Variants in LILRB3 observed in about 807,000 individuals in gnomAD.
LILRB3 encodes leukocyte immunoglobulin-like receptor subfamily B member 3.
LILRB3 carries 32 observed loss-of-function variants against 68.2 expected under a neutral mutation model. The ratio of observed to expected loss-of-function variants is 0.47; its 90% CI spans 0.35 to 0.63. The LOEUF is 0.63. Ranked by LOEUF, LILRB3 falls within the 30% of genes least tolerant of loss-of-function variation. The probability of loss-of-function intolerance (pLI) is 0.00; values close to 1 mark genes in which losing one functional copy is unlikely to be tolerated. For missense variants in LILRB3, 502 were observed against 791.3 expected, an observed-to-expected ratio of 0.63 and a Z score of 4.39; for synonymous variants, 185 against 323.1, an observed-to-expected ratio of 0.57 and a Z score of 4.58.
rs1472732947 is a variant in LILRB3, at chr19:54,218,758, A to G, written c.1502+5T>C. ...GGGAGTCTGTGGTCTTTGGGGCAGA[A>G]TTACCTCCTCAGCAGGCCCCTGTCC... On this transcript the variant is annotated splice_donor_5th_base_variant and intron_variant, in intron 9 of 12. Coordinates refer to ENST00000445347, the Ensembl canonical transcript of LILRB3. 14 of 1,613,868 alleles carry G rather than the reference A, an allele frequency of 8.7e-6. No individual in the cohort carries two copies. The South Asian group carries it at 1.5e-4, about 18-fold the overall frequency.
At chr19:54,218,763 C>G in exon 9 of LILRB3, 1 of 1,614,070 alleles carries the variant, frequency 6.2e-7, no homozygotes. Flanking sequence ...GCAGAATTAC[C>G]TCCTCAGCAG....
At chr19:54,222,371 T>C in exon 3 of LILRB3, 1 of 1,606,614 alleles carries the variant, frequency 6.2e-7, no homozygotes, top group South Asian at 1.1e-5. Flanking sequence ...TGCTGTGTCA[T>C]GGATGGGATG....
intron 7 of LILRB3, chr19:54,219,457 C>G: frequency 6.5e-7 from 1 of 1,540,504 alleles, no homozygotes; most frequent in African/African-American, 1.4e-5. Context: ...GAGGAAGCGG[C>G]AGAGCTGGGA....
chr19:54,218,791 C>G, exon 9 of LILRB3: 1 of 1,614,116 alleles, frequency 6.2e-7, no homozygotes, highest in Non-Finnish European at 8.5e-7. Context: ...TCCTTGGGCT[C>G]TGTCTCCGCA....
At chr19:54,218,170 C>T (rs112913349) in intron 11 of LILRB3, among the ~76,000 whole-genome samples, 191 bp downstream of exon 11, 24,825 of 151,544 alleles carry the variant, frequency 0.16, 2,679 homozygotes, top group African/African-American at 0.31. Context: ...GAAGGGGACC[C>T]GGGAGGAGGC....
At chr19:54,222,616 C>T (rs1204314843) in intron 2 of LILRB3, 54 bp from the exon 3 acceptor site, 3 of 1,611,216 alleles carry the variant, frequency 1.9e-6, no homozygotes, top group African/African-American at 1.4e-5. Context: ...CAGATCCCAG[C>T]TCCCAGCCCC....
At chr19:54,221,640 C>T (rs1445068065) in intron 4 of LILRB3, 188 bp downstream of exon 4, 21 of 1,576,854 alleles carry the variant, frequency 1.3e-5, no homozygotes, top group Non-Finnish European at 1.7e-5. Flanking sequence ...GAGTCCTCCC[C>T]TTCCAGGTGA....
chr19:54,218,663 C>A (rs372186200), exon 10 of LILRB3: 1 of 1,614,166 alleles, frequency 6.2e-7, no homozygotes, highest in South Asian at 1.1e-5. Context: ...TCTTCCTGGA[C>A]GTCAGCAGCT....
chr19:54,216,979 G>T lies in LILRB3; in HGVS notation c.*114C>A, dbSNP rs149263976. On this transcript the variant is annotated 3_prime_UTR_variant, in exon 13 of 13. Coordinates refer to ENST00000445347, the Ensembl canonical transcript of LILRB3. ...AGTTCCCAGCGTCTCCTCATGGTCT[G>T]TGTTAGGGGTCCAGGCTGACTGGGG... is the stretch of plus-strand genomic sequence containing the variant. 1.9e-3 allele frequency: 2,940 copies of T among 1,576,044 alleles called. 7 individuals are homozygous for T. Among genetic ancestry groups the T allele is most frequent in the Non-Finnish European group, 2.2e-3 (2,505 of 1,160,220 alleles).
chr19:54,219,656 GCCT>G (rs1363464179), intron 7 of LILRB3: 1 of 1,483,164 alleles, frequency 6.7e-7, no homozygotes, highest in Non-Finnish European at 9.0e-7. Context: ...TCCCTGGGAG[GCCT>G]CCTCTCCCAG....
chr19:54,220,949 C>CCCCCCCCCCCCCG, intron 5 of LILRB3, 119 bp from the exon 6 acceptor site: 3 of 1,029,330 alleles, frequency 2.9e-6, no homozygotes, highest in Non-Finnish European at 3.9e-6. Flanking sequence ...TCTCCCCTCC[C>CCCCCCCCCCCCCG]CCCATCCCCT....
intron 7 of LILRB3, chr19:54,219,475 C>G (rs1008861398): frequency 6.5e-7 from 1 of 1,548,174 alleles, no homozygotes; most frequent in African/African-American, 1.4e-5. Flanking sequence ...GGAAGGGAGC[C>G]CGGGAGTCTG....
exon 13 of LILRB3, chr19:54,217,044 C>G: frequency 6.2e-7 from 1 of 1,613,904 alleles, no homozygotes; most frequent in Non-Finnish European, 8.5e-7. Context: ...GTGCCTTCAG[C>G]AGTCCTGAGT....
intron 7 of LILRB3, chr19:54,219,817 C>A (rs2077905440): frequency 2.4e-5 from 37 of 1,526,542 alleles, no homozygotes; most frequent in South Asian, 1.3e-4. Flanking sequence ...ACAGAACCCA[C>A]CCCTGCCTCC....
At chr19:54,221,942 G>A (rs1169843484) in exon 4 of LILRB3, 1 of 1,601,708 alleles carries the variant, frequency 6.2e-7, no homozygotes, top group Non-Finnish European at 8.5e-7. Flanking sequence ...GGGCCCACAG[G>A]GAACAGGGCC....
Position 54,218,390 on chromosome 19 carries a change from A to G in LILRB3, c.1564T>C (p.Ser522Pro), listed in dbSNP as rs1476645324. Residue 522 changes from serine (S) to proline (P), a missense_variant, in exon 11 of 13, where the codon TCT becomes CCT. By Grantham distance (74) the Ser-to-Pro change is moderately conservative. Transcript: ENST00000445347. ...CTGTCCAGCTCCACCCTGTCCTCAG[A>G]CTGTGTGTCCTTCACAGCAGCATCT... 8.7e-6 allele frequency: 14 copies of G among 1,613,962 alleles called. No homozygotes were observed. In the African/African-American group the frequency reaches 1.1e-4, roughly 12 times the overall value.
chr19:54,222,171 C>G, intron 3 of LILRB3, 41 bp from the exon 4 acceptor site: 1 of 1,610,712 alleles, frequency 6.2e-7, no homozygotes, highest in Non-Finnish European at 8.5e-7. Flanking sequence ...GGGCTCCCAC[C>G]TCCCACATCA....
chr19:54,216,739 A>G, exon 13 of LILRB3: 2 of 1,142,910 alleles, frequency 1.7e-6, no homozygotes, highest in Non-Finnish European at 2.2e-6. Context: ...GCTGGAGTGC[A>G]GTGGCACAGT....
chr19:54,219,329 C>A (rs1156667912), intron 7 of LILRB3, 84 bp from the exon 8 acceptor site: 3 of 1,491,206 alleles, frequency 2.0e-6, no homozygotes, highest in Middle Eastern at 1.7e-4. Context: ...GTCTTTCCTT[C>A]GTGACCTCCA....
Sources: allele counts gnomAD v4.1 joint callset (sites outside exome capture counted in the v4.1 genomes callset), GRCh38; gene constraint gnomAD v4.1.1; transcripts MANE v1.5; gene names NCBI Gene and HGNC (gene_info 2026-07-23, HGNC 2026-07-21).